SLC2A3: variants seen among roughly 807,000 people sequenced by gnomAD.
SLC2A3 encodes the protein solute carrier family 2 member 3.
In SLC2A3, 21 loss-of-function variants were observed where a neutral mutation model predicts 46.4. That is an observed-to-expected ratio of 0.45 (90% CI 0.32 to 0.65). The LOEUF (loss-of-function observed/expected upper bound fraction) is 0.65. Ranked by LOEUF, SLC2A3 falls within the 30% of genes least tolerant of loss-of-function variation. The probability of loss-of-function intolerance (pLI) is 0.04; values close to 1 mark genes in which losing one functional copy is unlikely to be tolerated. For synonymous variants in SLC2A3, 213 were observed against 239.4 expected (o/e 0.89, Z 1.02); for missense variants, 499 against 623.3 (o/e 0.80, Z 2.12).
intron 6 of SLC2A3, among the ~76,000 whole-genome samples, chr12:7,928,040 AGGTTGT>A (rs1267065754): frequency 6.6e-6 from 1 of 151,896 alleles, no homozygotes; most frequent in Admixed American, 6.6e-5. Context: ...CAGGAGATGG[AGGTTGT>A]GGTGAGCTGA....
chr12:7,928,130 T>A (rs887871049), intron 6 of SLC2A3, among the ~76,000 whole-genome samples: 3 of 151,474 alleles, frequency 2.0e-5, no homozygotes, highest in African/African-American at 7.3e-5. Flanking sequence ...CCAGGCGCAG[T>A]GGCTCACGCC....
At chr12:7,935,376 C>A (rs1946201911) in intron 1 of SLC2A3, among the ~76,000 whole-genome samples, 1 of 152,070 alleles carries the variant, frequency 6.6e-6, no homozygotes, top group Admixed American at 6.6e-5. Context: ...CGCTTGAACC[C>A]GGGAGGCGGA....
chr12:7,933,749 A>T (rs1946183976), intron 2 of SLC2A3, 61 bp downstream of exon 2: 11 of 1,558,696 alleles, frequency 7.1e-6, no homozygotes, highest in Non-Finnish European at 9.7e-6. Context: ...AATTCCTGAA[A>T]CCCTACTTAA....
At chr12:7,926,837 C>G (rs1933431359) in intron 6 of SLC2A3, among the ~76,000 whole-genome samples, 1 of 152,026 alleles carries the variant, frequency 6.6e-6, no homozygotes, top group Non-Finnish European at 1.5e-5. Flanking sequence ...TGAAATAATA[C>G]CAGCTACTAA....
Position 7,919,900 on chromosome 12 carries a change from C to T in SLC2A3, c.*1513G>A, listed in dbSNP as rs1038942392. The stretch of plus-strand genomic sequence containing the variant: ...AACAAACACAGAGAAAATAAGTCAA[C>T]AATAACGTACTTCCACCCAGAGCAA... On this transcript the variant is annotated 3_prime_UTR_variant, in exon 10 of 10. Transcript: ENST00000075120. 6.6e-6 allele frequency: 1 copy of T among 152,212 alleles called. No homozygotes were observed. Among genetic ancestry groups the T allele is most frequent in the Non-Finnish European group, 1.5e-5 (1 of 68,082 alleles). 9.4% of individuals were successfully genotyped at this position (152,212 alleles called of 1,614,324 possible). A position where few individuals can be genotyped will look rare whatever the true frequency, so the allele number is the denominator to read the frequency against.
chr12:7,932,725 A>C, intron 3 of SLC2A3: 1 of 393,316 alleles, frequency 2.5e-6, no homozygotes, highest in Non-Finnish European at 4.6e-6. Flanking sequence ...TTACTAGGGA[A>C]TAATTCTGAA....
intron 1 of SLC2A3, among the ~76,000 whole-genome samples, chr12:7,934,856 C>T (rs1682023846): frequency 6.6e-6 from 1 of 152,204 alleles, no homozygotes; most frequent in Admixed American, 6.5e-5. Context: ...CCGGAGGGCC[C>T]TGCCAGTGCA....
At chr12:7,925,062 C>G (rs1946080513) in intron 7 of SLC2A3, among the ~76,000 whole-genome samples, 1 of 152,302 alleles carries the variant, frequency 6.6e-6, no homozygotes, top group South Asian at 2.1e-4. Context: ...TGGAAGCTGA[C>G]AGGAAGGTCA....
intron 2 of SLC2A3, 75 bp from the exon 3 acceptor site, chr12:7,933,222 A>T: frequency 6.7e-7 from 1 of 1,487,266 alleles, no homozygotes; most frequent in Non-Finnish European, 9.3e-7. Context: ...ATTAGGGATC[A>T]TTTCCTTCCT....
intron 9 of SLC2A3, among the ~76,000 whole-genome samples, chr12:7,922,514 T>A (rs750617897): frequency 7.2e-5 from 11 of 152,212 alleles, no homozygotes; most frequent in African/African-American, 2.6e-4. Flanking sequence ...CAGGCTAGAG[T>A]GCAGTAACGC....
intron 1 of SLC2A3, among the ~76,000 whole-genome samples, chr12:7,934,676 C>T (rs1946194824): frequency 6.6e-6 from 1 of 152,062 alleles, no homozygotes; most frequent in Non-Finnish European, 1.5e-5. Flanking sequence ...AGGCCAACTT[C>T]TACGCCATTC....
Position 7,929,818 on chromosome 12 carries a change from T to G in SLC2A3, c.727A>C (p.Lys243Gln). 1 of 1,613,720 alleles carries G rather than the reference T, an allele frequency of 6.2e-7. No individual in the cohort carries two copies. Among genetic ancestry groups the G allele is most frequent in the Non-Finnish European group, 8.5e-7 (1 of 1,179,764 alleles). The change falls in exon 6 of 10, where the codon AAA (lysine) becomes CAA (glutamine). Residue 243 changes from lysine to glutamine, a missense_variant. By Grantham distance (53) the Lys-to-Gln change is moderately conservative. Transcript: ENST00000075120. ...QDVSQDIQEMKDESARMSQEK... is the reference protein window; with the variant it reads ...QDVSQDIQEMQDESARMSQEK... ...TGTGACATCCTTGCACTCTCATCTT[T>G]CATCTCCTGGATGTCTTGGGATACA...
chr12:7,930,000 T>C, intron 5 of SLC2A3, 129 bp from the exon 6 acceptor site: 2 of 1,486,992 alleles, frequency 1.3e-6, no homozygotes, highest in East Asian at 2.3e-5. Context: ...TTTTTTTTTT[T>C]TTGAGACAGA....
Position 7,936,017 on chromosome 12 carries a change from T to A in SLC2A3, c.15+3A>T. 1 of 1,603,604 alleles carries A rather than the reference T, an allele frequency of 6.2e-7. No individual in the cohort carries two copies. Among genetic ancestry groups the A allele is most frequent in the Non-Finnish European group, 8.5e-7 (1 of 1,170,410 alleles). The stretch of plus-strand genomic sequence containing the variant: ...AAATAACCAGTAATTATATCATTCT[T>A]ACCTTCTGTGTCCCCATCGCTGTAA... On this transcript the variant is annotated splice_donor_region_variant and intron_variant, in intron 1 of 9. Transcript: ENST00000075120.
chr12:7,935,813 A>G (rs1450990547), intron 1 of SLC2A3, among the ~76,000 whole-genome samples: 2 of 152,162 alleles, frequency 1.3e-5, no homozygotes, highest in African/African-American at 2.4e-5. Flanking sequence ...TCTCCGGGTG[A>G]CTTTCCTATG....
Position 7,921,285 on chromosome 12 carries a change from G to A in SLC2A3, c.*128C>T, listed in dbSNP as rs1174720153. On this transcript the variant is annotated 3_prime_UTR_variant, in exon 10 of 10. Coordinates refer to ENST00000075120, the MANE Select transcript of SLC2A3 (RefSeq NM_006931.3). ...CGCAGCCTTGGGGTGCTCATGGAGT[G>A]CGTGGGATGAGAAAGGAATTAAGTA... 1 of 1,551,630 alleles carries A rather than the reference G, an allele frequency of 6.4e-7. No homozygotes were observed. The highest frequency in any genetic ancestry group is 1.4e-5 in the African/African-American group (1 of 73,016).
rs924893817 is a variant in SLC2A3 at position 7,919,352 on chromosome 12, T to C, written c.*2061A>G. The stretch of plus-strand genomic sequence containing the variant: ...ACCCTGCCTTACTGCCAACCTACTG[T>C]TTGAGGAGCCAGAAGTTGACATGAA... On this transcript the variant is annotated 3_prime_UTR_variant, in exon 10 of 10. Coordinates refer to ENST00000075120, the MANE Select transcript of SLC2A3 (RefSeq NM_006931.3). 2 of 152,124 alleles carry C rather than the reference T, an allele frequency of 1.3e-5. No homozygotes were observed. The highest frequency in any genetic ancestry group is 4.8e-5 in the African/African-American group (2 of 41,414). 9.4% of individuals were successfully genotyped at this position (152,124 alleles called of 1,614,324 possible).
intron 1 of SLC2A3, among the ~76,000 whole-genome samples, chr12:7,935,156 T>TA (rs1210992361): frequency 1.3e-5 from 2 of 152,120 alleles, no homozygotes; most frequent in Non-Finnish European, 2.9e-5. Flanking sequence ...TTTATCTTGG[T>TA]AAAAAATGCC....
rs777935518 is a variant in SLC2A3, at chr12:7,925,878, G to A, written c.932C>T (p.Ala311Val). The change falls in exon 7 of 10, where the codon GCG (alanine) becomes GTG (valine). Residue 311 changes from alanine (A) to valine (V), a missense_variant. Ala to Val is a moderately conservative substitution (Grantham distance 64, BLOSUM62 0). Around this residue, in one of 5 missense-constraint regions of SLC2A3, gnomAD observed 65 missense variants for 88.4 expected, o/e 0.74. Coordinates refer to ENST00000075120, the MANE Select transcript of SLC2A3 (RefSeq NM_006931.3). ...VQEPIYATIG[A>V]GVVNTIFTVV... ...AGTGAAGATAGTATTAACCACACCC[G>A]CGCCGATGGTGGCATAGATGGGCTC... 1.9e-5 allele frequency: 30 copies of A among 1,613,480 alleles called. No homozygotes were observed. The highest frequency in any genetic ancestry group is 3.3e-5 in the Admixed American group (2 of 59,940).
Sources: allele counts gnomAD v4.1 joint callset (sites outside exome capture counted in the v4.1 genomes callset), GRCh38; gene constraint gnomAD v4.1.1; regional missense constraint gnomAD v4.1.1; transcripts MANE v1.5; gene names NCBI Gene and HGNC (gene_info 2026-07-23, HGNC 2026-07-21).